DOCK8: variants seen among roughly 807,000 people sequenced by gnomAD.
DOCK8 encodes dedicator of cytokinesis protein 8.
Under a neutral mutation model 245.6 loss-of-function variants are expected in DOCK8, and 141 were observed. The observed-to-expected ratio is 0.57, with a 90% CI of 0.50 to 0.66. DOCK8 has a LOEUF of 0.66. Among genes scored for constraint, DOCK8 ranks in the 30% least tolerant of loss-of-function variants. The pLI, the probability that DOCK8 is intolerant of heterozygous loss-of-function variation, is 0.00. For synonymous variants in DOCK8, 1,168 were observed against 970.2 expected, an observed-to-expected ratio of 1.20 and a Z score of -3.79; for missense variants, 2,965 against 2,603.4, an observed-to-expected ratio of 1.14 and a Z score of -3.02.
chr9:234,639 C>A (rs1211887267), intron 1 of DOCK8, among the ~76,000 whole-genome samples: 1 of 152,170 alleles, frequency 6.6e-6, no homozygotes, highest in Non-Finnish European at 1.5e-5. Flanking sequence ...CACTTCATTT[C>A]ATTCATTTCA....
At chr9:446,198 G>A (rs7031188) in intron 43 of DOCK8, among the ~76,000 whole-genome samples, 172 bp from the exon 44 acceptor site, 1 of 152,186 alleles carries the variant, frequency 6.6e-6, no homozygotes, top group Non-Finnish European at 1.5e-5. Context: ...TTCTGTCCTT[G>A]GGGGTGGAGA....
At chr9:385,608 G>A (rs73641540) in intron 22 of DOCK8, among the ~76,000 whole-genome samples, 10,455 of 152,232 alleles carry the variant, frequency 0.069, 1,175 homozygotes, top group African/African-American at 0.24. Context: ...TTGGTAGATT[G>A]AAATCAGTTA....
intron 14 of DOCK8, among the ~76,000 whole-genome samples, chr9:362,410 C>T (rs550454176): frequency 6.6e-6 from 1 of 152,288 alleles, no homozygotes; most frequent in East Asian, 1.9e-4. Context: ...TGACATCATC[C>T]ATCACCTTTG....
At chr9:308,432 G>A (rs1380602510) in intron 5 of DOCK8, among the ~76,000 whole-genome samples, 5 of 152,196 alleles carry the variant, frequency 3.3e-5, no homozygotes, top group African/African-American at 7.2e-5. Flanking sequence ...CTCAGACTGC[G>A]AGATGACAGC....
At chr9:293,217 C>G (rs565609631) in intron 4 of DOCK8, among the ~76,000 whole-genome samples, 107 of 152,260 alleles carry the variant, frequency 7.0e-4, no homozygotes, top group African/African-American at 2.5e-3. Flanking sequence ...ATCCCTCTGC[C>G]TCATTCTCTT....
intron 26 of DOCK8, among the ~76,000 whole-genome samples, chr9:400,468 ACCAC>A (rs764910633): frequency 0.18 from 278 of 1,572 alleles, 115 homozygotes; most frequent in African/African-American, 0.68. Context: ...CACCATCACC[ACCAC>A]CCACCTCCTT....
rs199667255 is a variant in DOCK8 at position 287,991 on chromosome 9, TAGTG to T, written c.332+1358_332+1361del. On this transcript the variant is annotated intron_variant, in intron 3 of 47. Transcript: ENST00000432829. ...GAATTTGAGTTCAGCCTGGGTAAAA[TAGTG>T]AGACCCTGTTTCTTACAAAACAAAA... 8.6e-5 allele frequency among the ~76,000 whole-genome samples: 13 copies of T among 151,704 alleles called. No individual in the cohort carries two copies. The East Asian group carries it at 1.7e-3, about 20-fold the overall frequency.
At chr9:377,704 C>G (rs1055885739) in intron 20 of DOCK8, among the ~76,000 whole-genome samples, 2 of 152,144 alleles carry the variant, frequency 1.3e-5, no homozygotes, top group Non-Finnish European at 1.5e-5. Flanking sequence ...GCAATGATCG[C>G]TACAATCTAG....
chr9:215,073 A>C (rs752662216), intron 1 of DOCK8, 44 bp downstream of exon 1: 1 of 1,542,060 alleles, frequency 6.5e-7, no homozygotes, highest in Admixed American at 1.9e-5. Flanking sequence ...CGGACAGCCC[A>C]GCGCTGGTGT....
chr9:249,085 G>A (rs1487666416), intron 1 of DOCK8, among the ~76,000 whole-genome samples: 3 of 152,144 alleles, frequency 2.0e-5, no homozygotes, highest in Admixed American at 2.0e-4. Flanking sequence ...TGTTGCTATT[G>A]TAAACACTTC....
chr9:371,356 G>C, intron 16 of DOCK8, 72 bp from the exon 17 acceptor site: 1 of 1,577,284 alleles, frequency 6.3e-7, no homozygotes, highest in South Asian at 1.1e-5. Flanking sequence ...CAAAGGGGCT[G>C]TGGCGTTTTA....
chr9:310,514 A>C (rs1351446649), intron 5 of DOCK8, among the ~76,000 whole-genome samples: 1 of 152,228 alleles, frequency 6.6e-6, no homozygotes, highest in African/African-American at 2.4e-5. Flanking sequence ...GCTGGAGTAC[A>C]GTGGCACCAT....
intron 1 of DOCK8, among the ~76,000 whole-genome samples, chr9:260,499 C>T (rs905705191): frequency 2.0e-5 from 3 of 152,166 alleles, no homozygotes; most frequent in Admixed American, 6.5e-5. Flanking sequence ...TTCTTTATAT[C>T]GCTGCTTAGA....
chr9:289,769 C>G (rs2048964352), intron 4 of DOCK8, among the ~76,000 whole-genome samples, 188 bp downstream of exon 4: 3 of 152,172 alleles, frequency 2.0e-5, no homozygotes, highest in South Asian at 2.1e-4. Flanking sequence ...ATGAACATCT[C>G]ACTTTAGTGT....
intron 1 of DOCK8, chr9:215,471 G>T: frequency 6.8e-7 from 1 of 1,480,028 alleles, no homozygotes; most frequent in East Asian, 2.6e-5. Flanking sequence ...AGTTGCGTTT[G>T]AGGCAGGCTG....
At chr9:237,814 A>G (rs2047290893) in intron 1 of DOCK8, among the ~76,000 whole-genome samples, 1 of 152,200 alleles carries the variant, frequency 6.6e-6, no homozygotes, top group Non-Finnish European at 1.5e-5. Flanking sequence ...TATTTTAGGA[A>G]AAACCACAAT....
chr9:329,876 C>G (rs775199779), intron 9 of DOCK8, among the ~76,000 whole-genome samples: 3 of 152,216 alleles, frequency 2.0e-5, no homozygotes, highest in Non-Finnish European at 4.4e-5. Context: ...AACAAACATA[C>G]TAAAGTGTTT....
chr9:342,613 G>A (rs55992120), intron 14 of DOCK8, among the ~76,000 whole-genome samples: 3,328 of 152,096 alleles, frequency 0.022, 125 homozygotes, highest in African/African-American at 0.074. Flanking sequence ...GGGACTACAG[G>A]TGCCTGCCAC....
At chr9:344,229 C>T (rs4741823) in intron 14 of DOCK8, among the ~76,000 whole-genome samples, 67,848 of 152,020 alleles carry the variant, frequency 0.45, 17,329 homozygotes, top group East Asian at 0.76. Context: ...GCTCACAGTT[C>T]TTCTCTGTGG....
Sources: gnomAD v4.1 joint callset for allele counts (sites outside exome capture counted in the v4.1 genomes callset) on GRCh38, gnomAD v4.1.1 for gene constraint, MANE v1.5 for transcripts, NCBI Gene and HGNC (gene_info 2026-07-23, HGNC 2026-07-21) for gene names.